LPP: variants seen among roughly 807,000 people sequenced by gnomAD.
LPP encodes lipoma-preferred partner.
In LPP, 38 loss-of-function variants were observed where a neutral mutation model predicts 60.4. The ratio of observed to expected loss-of-function variants is 0.63; its 90% CI spans 0.49 to 0.83. The LOEUF is 0.83. Ranked by LOEUF, LPP falls within the 40% of genes least tolerant of loss-of-function variation. The pLI is 0.00. For synonymous variants in LPP, 328 were observed against 290.8 expected, an observed-to-expected ratio of 1.13 and a Z score of -1.30; for missense variants, 902 against 783.6, an observed-to-expected ratio of 1.15 and a Z score of -1.80.
intron 6 of LPP, among the ~76,000 whole-genome samples, chr3:188,606,828 A>C (rs1226769013): frequency 2.0e-5 from 3 of 152,064 alleles, no homozygotes; most frequent in African/African-American, 4.8e-5. Flanking sequence ...AAGAGGGAAT[A>C]AAGCTTTGCT....
At chr3:188,250,920 CTCCCTTCCCT>C (rs1161657769) in intron 2 of LPP, among the ~76,000 whole-genome samples, 2,326 of 20,052 alleles carry the variant, frequency 0.12, 463 homozygotes, top group Middle Eastern at 0.23. Context: ...CCCTTCCTTC[CTCCCTTCCCT>C]TCCCTTCCCT....
At chr3:188,599,747 T>TA (rs1840690386) in intron 6 of LPP, among the ~76,000 whole-genome samples, 2 of 117,236 alleles carry the variant, frequency 1.7e-5, no homozygotes, top group Admixed American at 9.9e-5. Flanking sequence ...GGGGACTCGT[T>TA]AGGGGTGTGT....
At chr3:188,333,740 A>G (rs1760776875) in intron 2 of LPP, among the ~76,000 whole-genome samples, 1 of 152,108 alleles carries the variant, frequency 6.6e-6, no homozygotes, top group African/African-American at 2.4e-5. Context: ...TTTTATTATT[A>G]TTTTAAATTA....
chr3:188,434,253 C>T (rs1324772141), intron 4 of LPP, among the ~76,000 whole-genome samples: 3 of 151,814 alleles, frequency 2.0e-5, no homozygotes, highest in African/African-American at 7.3e-5. Context: ...ATGTACATGT[C>T]AATGTAATAT....
chr3:188,468,825 T>C (rs1318043273), intron 4 of LPP, among the ~76,000 whole-genome samples: 1 of 152,080 alleles, frequency 6.6e-6, no homozygotes, highest in African/African-American at 2.4e-5. Context: ...CAATAAATCC[T>C]TTGCACTCCA....
intron 7 of LPP, among the ~76,000 whole-genome samples, chr3:188,624,247 A>T (rs1242570522): frequency 6.6e-6 from 1 of 152,198 alleles, no homozygotes; most frequent in East Asian, 1.9e-4. Context: ...CATTAAAAGA[A>T]ATTATATCAC....
intron 9 of LPP, among the ~76,000 whole-genome samples, chr3:188,770,724 G>A (rs892423751): frequency 2.6e-5 from 4 of 152,118 alleles, no homozygotes; most frequent in African/African-American, 9.7e-5. Flanking sequence ...CTAGATATGA[G>A]AGTCTTTTAC....
chr3:188,344,322 G>A (rs1187333409), intron 3 of LPP, among the ~76,000 whole-genome samples: 1 of 152,308 alleles, frequency 6.6e-6, no homozygotes, highest in East Asian at 1.9e-4. Flanking sequence ...TGGAGGTAGA[G>A]GCAGTAGTTA....
At chr3:188,213,680 C>T (rs1712208850) in intron 1 of LPP, among the ~76,000 whole-genome samples, 1 of 152,010 alleles carries the variant, frequency 6.6e-6, no homozygotes, top group African/African-American at 2.4e-5. Context: ...ACTTACCTTT[C>T]CCTTCTTTTG....
intron 2 of LPP, among the ~76,000 whole-genome samples, chr3:188,264,774 C>T (rs945766423): frequency 1.6e-5 from 2 of 125,444 alleles, no homozygotes; most frequent in African/African-American, 5.4e-5. Context: ...CTTTTTTCTT[C>T]TCTCTCTCTC....
chr3:188,467,831 A>T (rs930448964), intron 4 of LPP, among the ~76,000 whole-genome samples: 1 of 152,148 alleles, frequency 6.6e-6, no homozygotes, highest in African/African-American at 2.4e-5. Flanking sequence ...GACTCCAGAA[A>T]GGAATGCTGC....
chr3:188,790,508 A>G (rs1743338582), intron 9 of LPP, among the ~76,000 whole-genome samples: 1 of 152,114 alleles, frequency 6.6e-6, no homozygotes, highest in African/African-American at 2.4e-5. Flanking sequence ...TTTTAAATGA[A>G]TAAATGTGTG....
chr3:188,433,580 A>G lies in LPP; in HGVS notation c.193+27267A>G, dbSNP rs1004914929. ...AGAGCTCAGGGATGAGAGAGAGAGA[A>G]AGAGAGAGAGACAGAAAGTGAGAGA... On this transcript the variant is annotated intron_variant, in intron 4 of 11. Coordinates refer to ENST00000617246, the MANE Select transcript of LPP (RefSeq NM_001375462.1). 2.1e-4 allele frequency among the ~76,000 whole-genome samples: 26 copies of G among 125,222 alleles called. 1 individual carries two copies. In the South Asian group the frequency reaches 6.9e-3, roughly 33 times the overall value. The allele number at this position is 125,222 out of a possible 152,430, so 82.2% of individuals were successfully genotyped here. A position where few individuals can be genotyped will look rare whatever the true frequency, so the allele number is the denominator to read the frequency against.
chr3:188,486,851 C>T (rs368484826), intron 5 of LPP, among the ~76,000 whole-genome samples: 4 of 152,162 alleles, frequency 2.6e-5, no homozygotes, highest in South Asian at 2.1e-4. Flanking sequence ...CAGATAGAAC[C>T]TTTGGCAAAT....
chr3:188,616,914 T>G (rs757181792), intron 7 of LPP, among the ~76,000 whole-genome samples: 1 of 152,202 alleles, frequency 6.6e-6, no homozygotes, highest in African/African-American at 2.4e-5. Context: ...TAGCAATAGA[T>G]TTTTATATAC....
chr3:188,549,749 A>G (rs1014061612), intron 6 of LPP, among the ~76,000 whole-genome samples: 2 of 152,240 alleles, frequency 1.3e-5, no homozygotes, highest in African/African-American at 4.8e-5. Flanking sequence ...ATGGCAATGG[A>G]ACTTTTCATT....
chr3:188,528,024 C>G (rs1186895436), intron 6 of LPP, among the ~76,000 whole-genome samples: 2 of 152,114 alleles, frequency 1.3e-5, no homozygotes, highest in African/African-American at 2.4e-5. Flanking sequence ...AATTTCTAAA[C>G]ATTTTAAAAG....
chr3:188,649,702 T>G (rs1364479371), intron 7 of LPP, among the ~76,000 whole-genome samples: 3 of 152,084 alleles, frequency 2.0e-5, no homozygotes, highest in Non-Finnish European at 4.4e-5. Context: ...ATAGAAGAAA[T>G]GCACTGGGGT....
At chr3:188,308,259 A>G (rs1404932510) in intron 2 of LPP, among the ~76,000 whole-genome samples, 2 of 152,142 alleles carry the variant, frequency 1.3e-5, no homozygotes, top group Non-Finnish European at 2.9e-5. Context: ...ATCGCAGCAC[A>G]CTATGGGCTG....
Sources: gnomAD v4.1 joint callset for allele counts (sites outside exome capture counted in the v4.1 genomes callset) on GRCh38, gnomAD v4.1.1 for gene constraint, MANE v1.5 for transcripts, NCBI Gene and HGNC (gene_info 2026-07-23, HGNC 2026-07-21) for gene names.